The following DSCAM variants were observed in gnomAD, a reference collection of about 807,000 sequenced individuals.
The protein encoded by DSCAM is DS cell adhesion molecule, also known as cell adhesion molecule DSCAM.
In DSCAM, 47 loss-of-function variants were observed where a neutral mutation model predicts 217.7. The observed-to-expected ratio is 0.22, with a 90% CI of 0.17 to 0.28. The LOEUF is 0.28. Ranked by LOEUF, DSCAM falls within the 10% of genes least tolerant of loss-of-function variation. DSCAM has a pLI of 1.00. For synonymous variants in DSCAM, 1,056 were observed against 1,015.3 expected (o/e 1.04, Z -0.76); for missense variants, 2,080 against 2,618.3 (o/e 0.79, Z 4.49).
intron 3 of DSCAM, among the ~76,000 whole-genome samples, chr21:40,549,541 T>C (rs2142124): frequency 0.07 from 10,620 of 152,208 alleles, 417 homozygotes; most frequent in East Asian, 0.11. Flanking sequence ...TTCCCTGATA[T>C]GTACATTTGT....
chr21:40,188,945 G>C (rs2090925268), intron 12 of DSCAM, 97 bp downstream of exon 12: 4 of 1,237,048 alleles, frequency 3.2e-6, no homozygotes, highest in Non-Finnish European at 4.7e-6. Flanking sequence ...AATTCCGAAA[G>C]ATTATCTGCT....
intron 3 of DSCAM, among the ~76,000 whole-genome samples, chr21:40,577,241 T>TA (rs67100943): frequency 3.7e-4 from 52 of 141,694 alleles, no homozygotes; most frequent in East Asian, 4.2e-4. Flanking sequence ...AAAGCTTTAT[T>TA]AAAAAAAAAA....
chr21:40,557,146 G>T (rs575731826), intron 3 of DSCAM, among the ~76,000 whole-genome samples: 2 of 152,186 alleles, frequency 1.3e-5, no homozygotes, highest in East Asian at 3.9e-4. Context: ...GATGTGGTTT[G>T]TCCCTGCCAA....
intron 1 of DSCAM, among the ~76,000 whole-genome samples, chr21:40,807,282 T>C (rs2091796855): frequency 6.6e-6 from 1 of 152,250 alleles, no homozygotes; most frequent in African/African-American, 2.4e-5. Flanking sequence ...AAAACATCTA[T>C]GTCCTTAAAC....
chr21:40,520,485 C>G (rs961652416), intron 3 of DSCAM, among the ~76,000 whole-genome samples: 1 of 152,014 alleles, frequency 6.6e-6, no homozygotes, highest in Admixed American at 6.6e-5. Flanking sequence ...AAATAAAACA[C>G]AAACACTAAC....
At chr21:40,605,791 C>CTTTTTTTTTTTT (rs755767800) in intron 3 of DSCAM, among the ~76,000 whole-genome samples, 2 of 61,994 alleles carry the variant, frequency 3.2e-5, no homozygotes, top group African/African-American at 6.3e-5. Context: ...AATGCACATT[C>CTTTTTTTTTTTT]TTTTTTTTTT....
intron 3 of DSCAM, among the ~76,000 whole-genome samples, chr21:40,451,581 T>C (rs528400764): frequency 3.3e-4 from 51 of 152,284 alleles, no homozygotes; most frequent in Admixed American, 6.5e-4. Context: ...ATAAATTCCA[T>C]TAAAATTGCT....
chr21:40,729,181 C>G (rs1184435306), intron 1 of DSCAM, among the ~76,000 whole-genome samples: 1 of 152,170 alleles, frequency 6.6e-6, no homozygotes, highest in Non-Finnish European at 1.5e-5. Context: ...CAAACTACAC[C>G]TCACAGGCTG....
chr21:40,804,157 T>C (rs985463328), intron 1 of DSCAM, among the ~76,000 whole-genome samples: 2 of 152,144 alleles, frequency 1.3e-5, no homozygotes, highest in African/African-American at 4.8e-5. Context: ...ACTCCCCAAG[T>C]CCTGTCCACA....
intron 6 of DSCAM, among the ~76,000 whole-genome samples, chr21:40,343,092 A>T (rs2074517357): frequency 6.6e-6 from 1 of 152,128 alleles, no homozygotes; most frequent in South Asian, 2.1e-4. Flanking sequence ...AAGTTTCAAA[A>T]TATTAGTTTC....
chr21:40,115,767 CA>C (rs1318008146), intron 20 of DSCAM, among the ~76,000 whole-genome samples: 1 of 152,092 alleles, frequency 6.6e-6, no homozygotes, highest in South Asian at 2.1e-4. Flanking sequence ...GACCTAATGA[CA>C]GAAATACCAT....
intron 3 of DSCAM, among the ~76,000 whole-genome samples, chr21:40,486,603 A>G (rs2145999922): frequency 6.6e-6 from 1 of 152,270 alleles, no homozygotes; most frequent in South Asian, 2.1e-4. Context: ...AAAAGGGCCC[A>G]TAACTGTAAA....
chr21:40,480,752 G>T (rs1023865612), intron 3 of DSCAM, among the ~76,000 whole-genome samples: 1 of 152,190 alleles, frequency 6.6e-6, no homozygotes, highest in Non-Finnish European at 1.5e-5. Flanking sequence ...TGACAGTAAA[G>T]AATGTACATT....
chr21:40,439,055 T>G (rs2075608909), intron 3 of DSCAM, among the ~76,000 whole-genome samples: 1 of 152,220 alleles, frequency 6.6e-6, no homozygotes, highest in Non-Finnish European at 1.5e-5. Flanking sequence ...GCAAGCAACA[T>G]CCCTGTTTAC....
At chr21:40,240,011 T>G (rs953405882) in intron 11 of DSCAM, among the ~76,000 whole-genome samples, 2 of 152,292 alleles carry the variant, frequency 1.3e-5, no homozygotes, top group Admixed American at 6.5e-5. Flanking sequence ...CCATAGCTGC[T>G]CAGACCTTCA....
At chr21:40,532,409 T>C (rs2076454295) in intron 3 of DSCAM, among the ~76,000 whole-genome samples, 1 of 152,084 alleles carries the variant, frequency 6.6e-6, no homozygotes, top group Non-Finnish European at 1.5e-5. Flanking sequence ...CCTCACTGAA[T>C]GAGCAGACAA....
At chr21:40,364,472 G>C (rs1477636672) in intron 4 of DSCAM, among the ~76,000 whole-genome samples, 4 of 140,360 alleles carry the variant, frequency 2.8e-5, no homozygotes, top group Non-Finnish European at 6.1e-5. Context: ...GGTGGGAATT[G>C]AACAATGAGA....
At position 40,245,875 on chromosome 21, in the gene DSCAM, T is replaced by C. The variant is rs151302226; in HGVS notation, c.2356+30222A>G. ...ATCCAGGTTCCTGTTCCTTAAAAAC[T>C]AGGAGCTCCACAGCAATGGATCAGA... On this transcript the variant is annotated intron_variant, in intron 11 of 32. Coordinates refer to ENST00000400454, the MANE Select transcript of DSCAM (RefSeq NM_001389.5). Among the ~76,000 whole-genome samples, 749 of 152,222 alleles carry C rather than the reference T, an allele frequency of 4.9e-3. 1 individual carries two copies. The highest frequency in any genetic ancestry group is 8.3e-3 in the Non-Finnish European group (562 of 68,008).
chr21:40,608,703 C>T (rs2089274629), intron 3 of DSCAM, among the ~76,000 whole-genome samples: 2 of 152,106 alleles, frequency 1.3e-5, no homozygotes, highest in South Asian at 4.1e-4. Flanking sequence ...TTTAATGGAA[C>T]ACAATTTGGG....
Sources: gnomAD v4.1 joint callset for allele counts (sites outside exome capture counted in the v4.1 genomes callset) on GRCh38, gnomAD v4.1.1 for gene constraint, MANE v1.5 for transcripts, NCBI Gene and HGNC (gene_info 2026-07-23, HGNC 2026-07-21) for gene names.